The following COL8A1 variants were observed in gnomAD, a reference collection of about 807,000 sequenced individuals.
COL8A1 encodes collagen type VIII alpha 1 chain.
Under a neutral mutation model 42.7 loss-of-function variants are expected in COL8A1, and 21 were observed. The observed-to-expected ratio is 0.49, with a 90% CI of 0.35 to 0.71. The LOEUF is 0.71. COL8A1 is among the 30% of genes least tolerant of loss of function. The pLI, the probability that COL8A1 is intolerant of heterozygous loss-of-function variation, is 0.01. For missense variants in COL8A1, 788 were observed against 962.4 expected, an observed-to-expected ratio of 0.82 and a Z score of 2.40; for synonymous variants, 367 against 369.1, an observed-to-expected ratio of 0.99 and a Z score of 0.06.
At chr3:99,686,167 G>A (rs1041277463) in intron 1 of COL8A1, among the ~76,000 whole-genome samples, 10 of 150,156 alleles carry the variant, frequency 6.7e-5, no homozygotes, top group South Asian at 2.1e-4. Flanking sequence ...ACAACATGTC[G>A]CATCCTCAAA....
At chr3:99,745,807 C>G (rs1941012939) in intron 2 of COL8A1, among the ~76,000 whole-genome samples, 1 of 149,412 alleles carries the variant, frequency 6.7e-6, no homozygotes, top group Non-Finnish European at 1.5e-5. Context: ...ACATAAAGTA[C>G]ATCATTAACT....
intron 2 of COL8A1, among the ~76,000 whole-genome samples, chr3:99,748,940 A>T (rs1296722255): frequency 6.6e-6 from 1 of 152,210 alleles, no homozygotes; most frequent in East Asian, 1.9e-4. Context: ...TTTATTTTCA[A>T]ATATGTTCCC....
chr3:99,674,800 T>C (rs956901451), intron 1 of COL8A1, among the ~76,000 whole-genome samples: 1 of 152,268 alleles, frequency 6.6e-6, no homozygotes, highest in African/African-American at 2.4e-5. Flanking sequence ...ACTTAATGAA[T>C]GCTACAGAGA....
chr3:99,736,054 T>G (rs1454080203), intron 1 of COL8A1, among the ~76,000 whole-genome samples: 1 of 152,022 alleles, frequency 6.6e-6, no homozygotes, highest in Non-Finnish European at 1.5e-5. Flanking sequence ...TTTTCTTTAT[T>G]AGTCTTGCTA....
intron 1 of COL8A1, among the ~76,000 whole-genome samples, chr3:99,657,266 C>T (rs997797874): frequency 6.6e-6 from 1 of 152,192 alleles, no homozygotes; most frequent in East Asian, 1.9e-4. Flanking sequence ...GACGTTGTCA[C>T]AATCTAACAT....
Position 99,795,053 on chromosome 3 carries a change from A to C in COL8A1, c.1152A>C (p.Gly384=). ...RGEKGPIGAP[G]IGGPPGEPGL... is the part of the protein sequence containing the mutation. ...AGAAAGGACCAATAGGTGCCCCAGG[A>C]ATAGGGGGTCCTCCAGGAGAGCCAG... is the stretch of plus-strand genomic sequence containing the variant. Residue 384 remains glycine (G), a synonymous_variant, in exon 4 of 4, where the codon GGA becomes GGC. Transcript: ENST00000652472. 7 of 1,609,522 alleles carry C rather than the reference A, an allele frequency of 4.3e-6. No homozygotes were observed. The highest frequency in any genetic ancestry group is 5.9e-6 in the Non-Finnish European group (7 of 1,178,020).
intron 2 of COL8A1, among the ~76,000 whole-genome samples, chr3:99,783,129 G>C (rs1475587572): frequency 6.6e-6 from 1 of 152,200 alleles, no homozygotes; most frequent in Non-Finnish European, 1.5e-5. Flanking sequence ...CGGCAGAAGA[G>C]ATTCGGATTA....
intron 1 of COL8A1, among the ~76,000 whole-genome samples, chr3:99,697,121 G>A (rs375341375): frequency 1.3e-5 from 2 of 149,812 alleles, no homozygotes; most frequent in South Asian, 2.1e-4. Flanking sequence ...CGAGTAGCTG[G>A]GACTACAGGC....
intron 2 of COL8A1, among the ~76,000 whole-genome samples, chr3:99,765,392 T>C (rs1192646752): frequency 2.0e-5 from 3 of 152,164 alleles, no homozygotes; most frequent in African/African-American, 7.2e-5. Context: ...GAACAGGGAA[T>C]ACAATGAGAA....
chr3:99,731,267 C>T (rs1559620572), intron 1 of COL8A1, among the ~76,000 whole-genome samples: 1 of 151,966 alleles, frequency 6.6e-6, no homozygotes, highest in East Asian at 1.9e-4. Context: ...CAAGAAAAAC[C>T]TTTTTGAGGA....
chr3:99,745,526 A>G (rs970852824), intron 2 of COL8A1, among the ~76,000 whole-genome samples: 4 of 152,156 alleles, frequency 2.6e-5, no homozygotes, highest in African/African-American at 7.2e-5. Context: ...TACCATTATC[A>G]TATTTCTCTT....
chr3:99,685,096 A>G (rs1384575573), intron 1 of COL8A1, among the ~76,000 whole-genome samples: 7 of 152,338 alleles, frequency 4.6e-5, no homozygotes, highest in Non-Finnish European at 8.8e-5. Context: ...TATTCTTAAT[A>G]TAATAAAAAC....
intron 2 of COL8A1, among the ~76,000 whole-genome samples, chr3:99,781,535 T>G (rs539782335): frequency 6.6e-6 from 1 of 152,356 alleles, no homozygotes; most frequent in East Asian, 1.9e-4. Flanking sequence ...TTATATTTTA[T>G]GTAATACATT....
intron 1 of COL8A1, among the ~76,000 whole-genome samples, chr3:99,684,738 G>A (rs535869188): frequency 2.0e-5 from 3 of 152,204 alleles, no homozygotes; most frequent in Non-Finnish European, 4.4e-5. Context: ...TTTTCTGAAC[G>A]GGAATTGTGC....
chr3:99,711,011 T>C (rs1939819080), intron 1 of COL8A1, among the ~76,000 whole-genome samples: 1 of 152,182 alleles, frequency 6.6e-6, no homozygotes, highest in Non-Finnish European at 1.5e-5. Context: ...TCTTAATGGG[T>C]ACCAAAAGGC....
intron 1 of COL8A1, among the ~76,000 whole-genome samples, chr3:99,649,186 G>A (rs180806143): frequency 6.6e-5 from 10 of 151,994 alleles, no homozygotes; most frequent in Admixed American, 5.9e-4. Flanking sequence ...AAGCTGCCTC[G>A]TGGATCTCCT....
At chr3:99,721,945 A>G (rs1224276207) in intron 1 of COL8A1, among the ~76,000 whole-genome samples, 1 of 152,006 alleles carries the variant, frequency 6.6e-6, no homozygotes, top group East Asian at 1.9e-4. Context: ...TGCTTAATTC[A>G]AAGTTCAGCA....
Position 99,795,238 on chromosome 3 carries a change from T to C in COL8A1, c.1337T>C (p.Val446Ala), listed in dbSNP as rs1245166368. 1 of 1,613,318 alleles carries C rather than the reference T, an allele frequency of 6.2e-7. No homozygotes were observed. Among genetic ancestry groups the C allele is most frequent in the Non-Finnish European group, 8.5e-7 (1 of 1,179,588 alleles). The change falls in exon 4 of 4, where the codon GTA (valine) becomes GCA (alanine). Residue 446 changes from valine to alanine, a missense_variant. This residue lies in a region of COL8A1 where 154 missense variants were observed against 182.3 expected (regional missense o/e 0.84). Transcript: ENST00000652472. The part of the protein sequence containing the change: ...FPGKPGFLGE[V>A]GPPGMRGLPG... ...GGAAAGCCAGGTTTCCTTGGTGAAG[T>C]AGGGCCTCCTGGCATGAGGGGTTTG... is the stretch of plus-strand genomic sequence containing the variant.
At chr3:99,675,276 T>C (rs1035095689) in intron 1 of COL8A1, among the ~76,000 whole-genome samples, 1 of 152,088 alleles carries the variant, frequency 6.6e-6, no homozygotes, top group Admixed American at 6.6e-5. Context: ...TGGCTATCTT[T>C]CCTTCCTTAT....
Sources: gnomAD v4.1 joint callset for allele counts (sites outside exome capture counted in the v4.1 genomes callset) on GRCh38, gnomAD v4.1.1 for gene constraint, gnomAD v4.1.1 regional missense constraint, MANE v1.5 for transcripts, NCBI Gene and HGNC (gene_info 2026-07-23, HGNC 2026-07-21) for gene names.